XPO4: variants seen among roughly 807,000 people sequenced by gnomAD.
XPO4 encodes exportin-4.
A neutral mutation model predicts 143.0 loss-of-function variants in XPO4; 39 were observed. The ratio of observed to expected loss-of-function variants is 0.27; its 90% CI spans 0.21 to 0.36. XPO4 has a LOEUF of 0.36. Among genes scored for constraint, XPO4 ranks in the 10% least tolerant of loss-of-function variants. The pLI is 1.00. For missense variants in XPO4, 907 were observed against 1,348.0 expected (o/e 0.67, Z 5.12); for synonymous variants, 439 against 474.0 (o/e 0.93, Z 0.96).
intron 4 of XPO4, chr13:20,851,176 A>G (rs1566606658): frequency 2.0e-6 from 2 of 985,344 alleles, no homozygotes; most frequent in East Asian, 2.3e-4. Context: ...AGAGGATGAT[A>G]TAAGAAAATG....
At chr13:20,806,220 A>G (rs998068749) in intron 13 of XPO4, among the ~76,000 whole-genome samples, 1 of 152,220 alleles carries the variant, frequency 6.6e-6, no homozygotes, top group African/African-American at 2.4e-5. Context: ...AACTTTTTCA[A>G]TAAAGTATGA....
chr13:20,809,095 G>C lies in XPO4; in HGVS notation c.1481C>G (p.Pro494Arg), dbSNP rs373877575. The change falls in exon 11 of 23, where the codon CCT (proline) becomes CGT (arginine). Residue 494 changes from proline (P) to arginine (R), a missense_variant. Pro to Arg is a moderately radical substitution (Grantham distance 103). Transcript: ENST00000255305. ...GGACTGTGTGTACCTTGTCAGAAGAGGTATACAGTGTTCTGCAGCAATTCT... is the reference window on the plus strand; with the variant it reads ...GGACTGTGTGTACCTTGTCAGAAGACGTATACAGTGTTCTGCAGCAATTCT... Reference protein sequence around the residue: ...LGRIAAEHCIPLLTSLLEERV... With the variant: ...LGRIAAEHCIRLLTSLLEERV... 2.5e-6 allele frequency: 4 copies of C among 1,613,710 alleles called. No homozygotes were observed. The highest frequency in any genetic ancestry group is 3.4e-6 in the Non-Finnish European group (4 of 1,179,842).
intron 9 of XPO4, among the ~76,000 whole-genome samples, chr13:20,812,361 G>C (rs557200545): frequency 6.6e-6 from 1 of 152,130 alleles, no homozygotes; most frequent in African/African-American, 2.4e-5. Flanking sequence ...GAGGATGAAG[G>C]ACTATTCAAT....
Position 20,796,998 on chromosome 13 carries a change from C to T in XPO4, c.2382G>A (p.Gln794=), listed in dbSNP as rs759628687. ...LRVINQENFQ[Q]MCQQEEVKQE... ...GCTTGACTTCCTCTTGCTGACACAT[C>T]TGCTGGAAGTTTTCTTGGTTTATCA... Residue 794 remains glutamine (Q), a synonymous_variant, in exon 17 of 23, where the codon CAG becomes CAA. Coordinates refer to ENST00000255305, the MANE Select transcript of XPO4 (RefSeq NM_022459.5). 4 of 1,612,728 alleles carry T rather than the reference C, an allele frequency of 2.5e-6. No homozygotes were observed. Among genetic ancestry groups the T allele is most frequent in the African/African-American group, 1.3e-5 (1 of 74,876 alleles).
intron 1 of XPO4, among the ~76,000 whole-genome samples, chr13:20,899,180 C>T (rs1196833065): frequency 2.6e-5 from 4 of 152,032 alleles, no homozygotes; most frequent in Non-Finnish European, 5.9e-5. Flanking sequence ...GAACTAACCT[C>T]TCATGGACAC....
intron 7 of XPO4, among the ~76,000 whole-genome samples, chr13:20,823,573 T>TG (rs1475919972): frequency 5.3e-5 from 8 of 149,948 alleles, no homozygotes; most frequent in South Asian, 4.2e-4. Context: ...GGTTGTGTTT[T>TG]TTTCTTTTTT....
chr13:20,846,091 T>C (rs1566603226), intron 4 of XPO4, among the ~76,000 whole-genome samples: 1 of 152,214 alleles, frequency 6.6e-6, no homozygotes, highest in South Asian at 2.1e-4. Flanking sequence ...GAAGCACTCA[T>C]TAAACAAATT....
rs371666597 is a variant in XPO4, at chr13:20,782,898, C to G, written c.*824G>C. The G allele has an allele frequency of 1.3e-5, 2 of 152,704 alleles. No individual in the cohort carries two copies. The allele number at this position is 152,704 out of a possible 1,614,324, so 9.5% of individuals were successfully genotyped here. A position where few individuals can be genotyped will look rare whatever the true frequency, so the allele number is the denominator to read the frequency against. ...AAAAATATACATGTATTTTCCTCCT[C>G]AAGTTCAGGCATCAGAGTATGATTA... On this transcript the variant is annotated 3_prime_UTR_variant, in exon 23 of 23. Coordinates refer to ENST00000255305, the MANE Select transcript of XPO4 (RefSeq NM_022459.5).
intron 3 of XPO4, among the ~76,000 whole-genome samples, chr13:20,858,928 A>ATG (rs2060170349): frequency 1.7e-4 from 1 of 5,952 alleles, no homozygotes; most frequent in Non-Finnish European, 3.4e-4. Context: ...GTGTGTATAT[A>ATG]TATATATATA....
chr13:20,896,550 G>A (rs543021598), intron 1 of XPO4, among the ~76,000 whole-genome samples: 22 of 152,198 alleles, frequency 1.4e-4, no homozygotes, highest in African/African-American at 4.8e-4. Flanking sequence ...CTGATATAAA[G>A]GAAATCTTGC....
In XPO4 at chr13:20,862,833, G is replaced by A. The variant is rs2138123184; in HGVS notation, c.201C>T (p.Leu67=). 2 of 1,614,102 alleles carry A rather than the reference G, an allele frequency of 1.2e-6. No individual in the cohort carries two copies. The highest frequency in any genetic ancestry group is 1.7e-6 in the Non-Finnish European group (2 of 1,179,968). The change falls in exon 3 of 23, where the codon CTC becomes CTT. Residue 67 remains leucine, a synonymous_variant. Coordinates refer to ENST00000255305, the MANE Select transcript of XPO4 (RefSeq NM_022459.5). ...ILETSKVDYV[L]FQAATAIMEA... ...CCATTATGGCTGTGGCAGCTTGAAA[G>A]AGGACATAGTCCACTTTACTAGTTT...
chr13:20,857,922 G>A (rs55900790), intron 3 of XPO4: 9 of 984,940 alleles, frequency 9.1e-6, no homozygotes, highest in Non-Finnish European at 1.1e-5. Context: ...AAATAAAAAA[G>A]AAAAAATTCT....
intron 1 of XPO4, chr13:20,878,979 G>A: frequency 1.9e-6 from 1 of 531,842 alleles, no homozygotes; most frequent in South Asian, 8.2e-5. Context: ...AAAAATGGTG[G>A]ACAAAATTTC....
intron 12 of XPO4, 120 bp downstream of exon 12, chr13:20,808,316 G>C: frequency 9.3e-7 from 1 of 1,073,162 alleles, no homozygotes; most frequent in South Asian, 3.0e-5. Flanking sequence ...ACAGAAAATG[G>C]CTGTATCCAA....
chr13:20,850,055 G>A, intron 4 of XPO4: 1 of 921,586 alleles, frequency 1.1e-6, no homozygotes, highest in Non-Finnish European at 1.3e-6. Flanking sequence ...GTAGTGAGCT[G>A]AGTTCATGCC....
At chr13:20,818,566 GT>G (rs1443802044) in intron 9 of XPO4, among the ~76,000 whole-genome samples, 23 of 152,106 alleles carry the variant, frequency 1.5e-4, no homozygotes, top group African/African-American at 5.3e-4. Flanking sequence ...TGTGGAACCT[GT>G]TTTCCTACTG....
At chr13:20,793,868 C>T (rs757751762) in intron 18 of XPO4, among the ~76,000 whole-genome samples, 3 of 152,226 alleles carry the variant, frequency 2.0e-5, no homozygotes, top group South Asian at 4.1e-4. Flanking sequence ...CAGGGCAAGT[C>T]GTACAGAAAT....
intron 16 of XPO4, among the ~76,000 whole-genome samples, chr13:20,798,688 C>T (rs1463736240): frequency 6.6e-6 from 1 of 152,064 alleles, no homozygotes; most frequent in African/African-American, 2.4e-5. Flanking sequence ...AAATAAGAAG[C>T]TTCAACCCAT....
At chr13:20,899,144 A>G (rs914891894) in intron 1 of XPO4, among the ~76,000 whole-genome samples, 2 of 152,172 alleles carry the variant, frequency 1.3e-5, no homozygotes, top group Non-Finnish European at 2.9e-5. Flanking sequence ...TGCACGGTTG[A>G]TGTCCATGGG....
Sources: allele counts gnomAD v4.1 joint callset (sites outside exome capture counted in the v4.1 genomes callset), GRCh38; gene constraint gnomAD v4.1.1; transcripts MANE v1.5; gene names NCBI Gene and HGNC (gene_info 2026-07-23, HGNC 2026-07-21).